CNTN5: variants seen among roughly 807,000 people sequenced by gnomAD.
CNTN5 encodes contactin 5.
CNTN5 carries 77 observed loss-of-function variants against 129.1 expected under a neutral mutation model. That is an observed-to-expected ratio of 0.60 (90% CI 0.50 to 0.72). CNTN5 has a LOEUF of 0.72. CNTN5 is among the 30% of genes least tolerant of loss of function. The probability of loss-of-function intolerance (pLI) is 0.00; values close to 1 mark genes in which losing one functional copy is unlikely to be tolerated. For missense variants in CNTN5, 1,478 were observed against 1,328.8 expected, an observed-to-expected ratio of 1.11 and a Z score of -1.75; for synonymous variants, 509 against 465.6, an observed-to-expected ratio of 1.09 and a Z score of -1.20.
intron 6 of CNTN5, among the ~76,000 whole-genome samples, chr11:99,864,388 G>A (rs150185530): frequency 3.2e-4 from 49 of 151,978 alleles, no homozygotes; most frequent in Middle Eastern, 3.4e-3. Flanking sequence ...CTCTGCTATC[G>A]TCCTGCAGGT....
intron 8 of CNTN5, among the ~76,000 whole-genome samples, chr11:99,966,487 A>C (rs781169529): frequency 6.6e-5 from 10 of 152,214 alleles, no homozygotes; most frequent in Non-Finnish European, 1.2e-4. Context: ...ATGCACTCAG[A>C]ATGGTCACCT....
intron 3 of CNTN5, among the ~76,000 whole-genome samples, chr11:99,711,163 A>G (rs1402369358): frequency 6.6e-6 from 1 of 151,914 alleles, no homozygotes; most frequent in East Asian, 1.9e-4. Context: ...TGATTTTAAA[A>G]AAGTCACCCT....
chr11:99,089,020 A>T (rs566792256), intron 1 of CNTN5, among the ~76,000 whole-genome samples: 4 of 152,244 alleles, frequency 2.6e-5, no homozygotes, highest in African/African-American at 4.8e-5. Context: ...TGAGAGAATA[A>T]TTAGTTAATA....
chr11:99,936,021 G>GT (rs1304630491), intron 7 of CNTN5, among the ~76,000 whole-genome samples: 1 of 152,050 alleles, frequency 6.6e-6, no homozygotes, highest in Non-Finnish European at 1.5e-5. Context: ...CTTTTACGTT[G>GT]TATTTCCACC....
At chr11:100,286,221 C>G (rs1479948155) in intron 18 of CNTN5, among the ~76,000 whole-genome samples, 1 of 152,220 alleles carries the variant, frequency 6.6e-6, no homozygotes, top group Non-Finnish European at 1.5e-5. Context: ...GTAAACAAAG[C>G]AGCAGGGAAG....
chr11:100,144,456 C>A (rs1023656641), intron 13 of CNTN5, among the ~76,000 whole-genome samples: 1 of 152,016 alleles, frequency 6.6e-6, no homozygotes, highest in South Asian at 2.1e-4. Context: ...CTCCCACCTA[C>A]GAGAACATGT....
chr11:99,247,796 A>AT (rs1253438507), intron 1 of CNTN5, among the ~76,000 whole-genome samples: 2 of 151,976 alleles, frequency 1.3e-5, no homozygotes, highest in South Asian at 2.1e-4. Flanking sequence ...TGAACTCATC[A>AT]TTTTTTATGG....
At chr11:99,373,147 T>A (rs1229401737) in intron 2 of CNTN5, among the ~76,000 whole-genome samples, 1 of 151,818 alleles carries the variant, frequency 6.6e-6, no homozygotes, top group African/African-American at 2.4e-5. Flanking sequence ...AGGCCGAGGT[T>A]GCAGTGAGCC....
At chr11:99,481,885 C>T (rs1480128157) in intron 2 of CNTN5, among the ~76,000 whole-genome samples, 1 of 152,124 alleles carries the variant, frequency 6.6e-6, no homozygotes, top group African/African-American at 2.4e-5. Flanking sequence ...TCTATATCTC[C>T]TTGGAGGTGA....
At chr11:100,268,553 A>C (rs1398779983) in intron 17 of CNTN5, among the ~76,000 whole-genome samples, 1 of 152,190 alleles carries the variant, frequency 6.6e-6, no homozygotes, top group African/African-American at 2.4e-5. Context: ...CTGAGATGTC[A>C]AGTAAAATGA....
rs114931751 is a variant in CNTN5 at position 99,232,544 on chromosome 11, C to T, written c.-209-92802C>T. Reference sequence around the variant, plus strand: ...TGAAGTTGCTTGTCATCTTAAGAAGCTTTTGGGTTTAGTTGAATGGAGTTT... The same window carrying T: ...TGAAGTTGCTTGTCATCTTAAGAAGTTTTTGGGTTTAGTTGAATGGAGTTT... On this transcript the variant is annotated intron_variant, in intron 1 of 24. Transcript: ENST00000524871. Among the ~76,000 whole-genome samples, 1,381 of 152,114 alleles carry T rather than the reference C, an allele frequency of 9.1e-3. 18 individuals are homozygous for T. Among genetic ancestry groups the T allele is most frequent in the African/African-American group, 0.03 (1,244 of 41,514 alleles).
At chr11:100,002,180 A>C (rs1380443051) in intron 9 of CNTN5, 44 bp downstream of exon 9, 3 of 1,225,614 alleles carry the variant, frequency 2.4e-6, no homozygotes, top group Non-Finnish European at 3.3e-6. Context: ...TTTTTATTAA[A>C]ATGTGACATA....
intron 13 of CNTN5, among the ~76,000 whole-genome samples, chr11:100,169,340 T>C (rs542999062): frequency 1.8e-4 from 27 of 152,118 alleles, no homozygotes; most frequent in Admixed American, 1.4e-3. Flanking sequence ...ACTGTATCGT[T>C]GTCTTATTTT....
chr11:100,144,214 T>G (rs1318087093), intron 13 of CNTN5, among the ~76,000 whole-genome samples: 2 of 152,096 alleles, frequency 1.3e-5, no homozygotes, highest in Non-Finnish European at 2.9e-5. Flanking sequence ...TAAACAAGTT[T>G]TTTTATTTTA....
At chr11:99,231,037 T>C (rs1258334889) in intron 1 of CNTN5, among the ~76,000 whole-genome samples, 1 of 152,206 alleles carries the variant, frequency 6.6e-6, no homozygotes, top group African/African-American at 2.4e-5. Context: ...GCCATATTTG[T>C]TTATCCAGTC....
intron 2 of CNTN5, among the ~76,000 whole-genome samples, chr11:99,355,003 C>G (rs761703482): frequency 6.6e-5 from 10 of 152,262 alleles, no homozygotes; most frequent in Non-Finnish European, 1.0e-4. Flanking sequence ...TCAGGGCCCA[C>G]AAAACTGCTG....
chr11:99,152,417 G>T (rs1464046039), intron 1 of CNTN5, among the ~76,000 whole-genome samples: 1 of 151,430 alleles, frequency 6.6e-6, no homozygotes, highest in Non-Finnish European at 1.5e-5. Context: ...TGTCTTTTTT[G>T]ACCATTGTTG....
intron 1 of CNTN5, among the ~76,000 whole-genome samples, chr11:99,221,911 A>G (rs1860414863): frequency 1.3e-5 from 2 of 151,942 alleles, no homozygotes; most frequent in African/African-American, 2.4e-5. Flanking sequence ...TTTTACTTTC[A>G]TCTACTGGAA....
At chr11:100,008,626 C>T (rs1940332770) in intron 9 of CNTN5, among the ~76,000 whole-genome samples, 1 of 151,984 alleles carries the variant, frequency 6.6e-6, no homozygotes, top group South Asian at 2.1e-4. Flanking sequence ...ACCTTGAGTC[C>T]ATTCTTAATC....
Sources: gnomAD v4.1 joint callset for allele counts (sites outside exome capture counted in the v4.1 genomes callset) on GRCh38, gnomAD v4.1.1 for gene constraint, MANE v1.5 for transcripts, NCBI Gene and HGNC (gene_info 2026-07-23, HGNC 2026-07-21) for gene names.